The following NEK2 variants were observed in gnomAD, a reference collection of about 807,000 sequenced individuals.
The protein encoded by NEK2 is NIMA related kinase 2, also known as serine/threonine-protein kinase Nek2.
In NEK2, 28 loss-of-function variants were observed where a neutral mutation model predicts 54.1. That is an observed-to-expected ratio of 0.52 (90% CI 0.38 to 0.71). NEK2 has a LOEUF of 0.71. Ranked by LOEUF, NEK2 falls within the 30% of genes least tolerant of loss-of-function variation. The pLI is 0.00. For missense variants in NEK2, 407 were observed against 531.5 expected, an observed-to-expected ratio of 0.77 and a Z score of 2.30; for synonymous variants, 176 against 193.1, an observed-to-expected ratio of 0.91 and a Z score of 0.73.
In NEK2 at chr1:211,674,510, A is replaced by T; in HGVS notation, c.100T>A (p.Leu34Ile). ...KIRRKSDGKI[L>I]VWKELDYGSM... ...CCATAGTCAAGTTCTTTCCAAACTAATATCTGAAATAAGAATTTCCAAGGT... is the reference window on the plus strand; with the variant it reads ...CCATAGTCAAGTTCTTTCCAAACTATTATCTGAAATAAGAATTTCCAAGGT... The change falls in exon 2 of 8, where the codon TTA becomes ATA. Residue 34 changes from leucine to isoleucine, a missense_variant. Transcript: ENST00000366999. 3.1e-6 allele frequency: 5 copies of T among 1,600,490 alleles called. No individual in the cohort carries two copies. Among genetic ancestry groups the T allele is most frequent in the Non-Finnish European group, 4.3e-6 (5 of 1,170,962 alleles).
At position 211,675,374 on chromosome 1, in the gene NEK2, C is replaced by G. The variant is rs200328943; in HGVS notation, c.96+10G>C. The G allele has an allele frequency of 1.2e-6, 2 of 1,612,642 alleles. No individual in the cohort carries two copies. The highest frequency in any genetic ancestry group is 1.7e-6 in the Non-Finnish European group (2 of 1,178,872). On this transcript the variant is annotated intron_variant, in intron 1 of 7. Transcript: ENST00000366999. ...AGCAGGGGCAGGCGCAGGGTAGGTC[C>G]CACGCTCACCTTGCCATCACTCTTC...
At position 211,673,621 on chromosome 1, in the gene NEK2, A is replaced by G; in HGVS notation, c.417T>C (p.His139=). The change falls in exon 3 of 8, where the codon CAT becomes CAC. Residue 139 remains histidine (H), a synonymous_variant. Transcript: ENST00000366999. ...AAACATTGGCTGGTTTCAGATCCCG[A>G]TGCAATACGGTATGACCACCATCAC... ...RRSDGGHTVL[H]RDLKPANVFL... 6.2e-7 allele frequency: 1 copy of G among 1,614,174 alleles called. No homozygotes were observed. The highest frequency in any genetic ancestry group is 8.5e-7 in the Non-Finnish European group (1 of 1,180,032).
At chr1:211,669,553 C>T (rs1655298511) in intron 5 of NEK2, 1 of 532,118 alleles carries the variant, frequency 1.9e-6, no homozygotes, top group African/African-American at 1.9e-5. Flanking sequence ...CCTTTTTTCC[C>T]TTTTCCCCTT....
At chr1:211,664,494 T>C (rs1655114647) in intron 7 of NEK2, among the ~76,000 whole-genome samples, 1 of 152,134 alleles carries the variant, frequency 6.6e-6, no homozygotes, top group Non-Finnish European at 1.5e-5. Flanking sequence ...TACGTGCTAT[T>C]AGGAAAAATA....
chr1:211,661,219 G>T, downstream of NEK2: 2 of 713,658 alleles, frequency 2.8e-6, no homozygotes, highest in Non-Finnish European at 5.2e-6. Context: ...TGTTTTTCTT[G>T]GGCATAAGCA....
intron 7 of NEK2, among the ~76,000 whole-genome samples, chr1:211,665,931 A>T (rs1470296671): frequency 6.6e-6 from 1 of 152,228 alleles, no homozygotes; most frequent in African/African-American, 2.4e-5. Context: ...GCTTTCATAT[A>T]TGCTGTCCTA....
chr1:211,661,369 A>T (rs1311036392), downstream of NEK2: 2 of 358,632 alleles, frequency 5.6e-6, no homozygotes, highest in Admixed American at 3.9e-5. Flanking sequence ...TATCAAATGC[A>T]TTGGGCTGAA....
chr1:211,658,719 C>CAA (rs967490624), downstream of NEK2: 2,693 of 37,660 alleles, frequency 0.072, 318 homozygotes, highest in East Asian at 0.14. Context: ...GACTCTATCT[C>CAA]AAAAAAAAAA....
chr1:211,662,998 T>G lies in NEK2; in HGVS notation c.*428A>C. 1 of 990,894 alleles carries G rather than the reference T, an allele frequency of 1.0e-6. No individual in the cohort carries two copies. The highest frequency in any genetic ancestry group is 1.7e-5 in the African/African-American group (1 of 57,430). 61.4% of individuals were successfully genotyped at this position (990,894 alleles called of 1,614,324 possible). A position where few individuals can be genotyped will look rare whatever the true frequency, so the allele number is the denominator to read the frequency against. ...ACTGGGTTTTCTAAGCTCAAAAACA[T>G]TTAAAATCTCAGACTTAAAATTTAA... On this transcript the variant is annotated 3_prime_UTR_variant, in exon 8 of 8. Transcript: ENST00000366999. This position sits in a 1 kb window ranked among gnomAD's most constrained non-coding sequence, Gnocchi z 4.2.
At chr1:211,660,892 TTC>T (rs1655003169), downstream of NEK2, 3 of 733,120 alleles carry the variant, frequency 4.1e-6, no homozygotes, top group African/African-American at 1.7e-5. Flanking sequence ...CACGCCCAGC[TTC>T]TGATACCAGC....
chr1:211,667,690 AT>A (rs768438483), intron 6 of NEK2, among the ~76,000 whole-genome samples: 21 of 152,220 alleles, frequency 1.4e-4, no homozygotes, highest in Non-Finnish European at 2.6e-4. Context: ...ATTAGTATTA[AT>A]AACAAATGTT....
chr1:211,671,427 G>A (rs1304867285), intron 3 of NEK2, 143 bp from the exon 4 acceptor site: 3 of 603,774 alleles, frequency 5.0e-6, no homozygotes, highest in Middle Eastern at 3.7e-4. Context: ...AATTTATAAT[G>A]GAAAAAAGGC....
At chr1:211,660,867 G>A (rs1571636587), downstream of NEK2, 8 of 719,564 alleles carry the variant, frequency 1.1e-5, no homozygotes, top group African/African-American at 1.7e-5. Context: ...TAGCATCATT[G>A]ACAGCATCCA....
intron 6 of NEK2, among the ~76,000 whole-genome samples, chr1:211,667,862 A>G (rs1571642654): frequency 1.3e-5 from 2 of 152,270 alleles, no homozygotes; most frequent in Admixed American, 1.3e-4. Context: ...CCAGGTCAAC[A>G]TGGCAAAACC....
intron 6 of NEK2, 42 bp from the exon 7 acceptor site, chr1:211,667,273 G>A (rs1223543360): frequency 1.3e-6 from 2 of 1,552,150 alleles, no homozygotes; most frequent in Non-Finnish European, 8.7e-7. Flanking sequence ...ATTAACAACT[G>A]ACCTTGACTA....
chr1:211,660,208 A>G, downstream of NEK2: 1 of 311,402 alleles, frequency 3.2e-6, no homozygotes, highest in East Asian at 7.0e-5. Context: ...CCGCTTGTAG[A>G]TTTTGCACGC....
At chr1:211,673,215 C>T (rs1453061983) in intron 3 of NEK2, among the ~76,000 whole-genome samples, 11 of 151,998 alleles carry the variant, frequency 7.2e-5, no homozygotes, top group Admixed American at 7.2e-4. Flanking sequence ...TCGAGACCAG[C>T]CTGGTCAACA....
chr1:211,675,475 G>A lies in NEK2; in HGVS notation c.5C>T (p.Pro2Leu), dbSNP rs528173241. The A allele has an allele frequency of 1.2e-6, 2 of 1,612,740 alleles. No individual in the cohort carries two copies. Among genetic ancestry groups the A allele is most frequent in the East Asian group, 4.5e-5 (2 of 44,882 alleles). ...CACTTCATAGTCCTCAGCCCGGGAA[G>A]GCATGGCCGGCCAGTCGCCAGAGTC... M[P>L]SRAEDYEVLY... Residue 2 changes from proline (P) to leucine (L), a missense_variant, in exon 1 of 8, where the codon CCT (proline) becomes CTT (leucine). Physicochemically the swap from Pro to Leu is moderately conservative, Grantham distance 98. Transcript: ENST00000366999.
chr1:211,674,580 A>G, intron 1 of NEK2, 67 bp from the exon 2 acceptor site: 1 of 1,195,058 alleles, frequency 8.4e-7, no homozygotes, highest in Non-Finnish European at 1.2e-6. Context: ...GAAAGTTCCA[A>G]GATTTAACAA....
Sources: allele counts gnomAD v4.1 joint callset (sites outside exome capture counted in the v4.1 genomes callset), GRCh38; gene constraint gnomAD v4.1.1; non-coding constraint Gnocchi (gnomAD v3.1); transcripts MANE v1.5; gene names NCBI Gene and HGNC (gene_info 2026-07-23, HGNC 2026-07-21).